The following GPHN variants were observed in gnomAD, a reference collection of about 807,000 sequenced individuals.
The protein encoded by GPHN is gephyrin.
Under a neutral mutation model 95.5 loss-of-function variants are expected in GPHN, and 17 were observed. The ratio of observed to expected loss-of-function variants is 0.18; its 90% CI spans 0.12 to 0.27. The LOEUF (loss-of-function observed/expected upper bound fraction) is 0.27, where lower values mean the gene tolerates loss of function less well. GPHN is among the 10% of genes least tolerant of loss of function. The pLI is 1.00. For missense variants in GPHN, 660 were observed against 978.1 expected (o/e 0.67, Z 4.34); for synonymous variants, 320 against 322.5 (o/e 0.99, Z 0.08).
At chr14:67,528,199 A>G in the GPHN span, among the ~76,000 whole-genome samples, 16 of 152,172 alleles carry the variant, frequency 1.1e-4, no homozygotes, top group African/African-American at 3.6e-4. Flanking sequence ...ACCAGCATCT[A>G]CTGAGTACTT....
At chr14:66,810,688 T>G (rs1267464338) in intron 3 of GPHN, among the ~76,000 whole-genome samples, 3 of 152,134 alleles carry the variant, frequency 2.0e-5, no homozygotes, top group African/African-American at 4.8e-5. Context: ...TTTATAATCT[T>G]TGTGTGTGTG....
intron 9 of GPHN, chr14:66,985,775 T>C: frequency 8.1e-7 from 1 of 1,227,524 alleles, no homozygotes; most frequent in Non-Finnish European, 1.2e-6. Flanking sequence ...CAAGATTTCG[T>C]CTATAGCCTA....
chr14:66,519,699 T>C (rs1594798979), intron 1 of GPHN, among the ~76,000 whole-genome samples: 1 of 152,164 alleles, frequency 6.6e-6, no homozygotes, highest in Admixed American at 6.5e-5. Context: ...CATAGTATTT[T>C]GCACTTTCTT....
At chr14:67,495,779 C>T in the GPHN span, among the ~76,000 whole-genome samples, 1 of 151,998 alleles carries the variant, frequency 6.6e-6, no homozygotes, top group Non-Finnish European at 1.5e-5. Flanking sequence ...CCACCATGCC[C>T]AGCCAGCCTT....
the GPHN span, among the ~76,000 whole-genome samples, chr14:67,339,295 C>G: frequency 3.3e-5 from 5 of 152,216 alleles, no homozygotes; most frequent in African/African-American, 1.2e-4. Flanking sequence ...CCGAGCCCAG[C>G]CTAGAAGCCT....
intron 12 of GPHN, among the ~76,000 whole-genome samples, chr14:67,089,808 A>G (rs999002771): frequency 4.6e-5 from 7 of 152,160 alleles, no homozygotes; most frequent in Admixed American, 6.5e-5. Flanking sequence ...GTTGCCTGAG[A>G]TTGCATAAAG....
chr14:66,550,165 C>T (rs78248040), intron 1 of GPHN, among the ~76,000 whole-genome samples: 1 of 152,236 alleles, frequency 6.6e-6, no homozygotes, highest in African/African-American at 2.4e-5. Flanking sequence ...ATAGTAATTC[C>T]TTTGATGGAT....
chr14:67,705,960 T>C, the GPHN span: 10 of 152,334 alleles, frequency 6.6e-5, no homozygotes, highest in South Asian at 1.9e-3. Flanking sequence ...AGATATCAGG[T>C]GCAGTGGCAT....
the GPHN span, among the ~76,000 whole-genome samples, chr14:67,537,402 C>A: frequency 7.5e-6 from 1 of 133,094 alleles, no homozygotes; most frequent in Non-Finnish European, 1.6e-5. Context: ...TTAGGCTGGG[C>A]GCAGTGGCTC....
chr14:67,539,261 C>T, the GPHN span, among the ~76,000 whole-genome samples: 1 of 152,278 alleles, frequency 6.6e-6, no homozygotes, highest in African/African-American at 2.4e-5. Context: ...GATCTTAGCT[C>T]AGAGAAGGTC....
intron 4 of GPHN, among the ~76,000 whole-genome samples, chr14:66,872,353 A>G (rs764657527): frequency 6.6e-6 from 1 of 152,064 alleles, no homozygotes; most frequent in South Asian, 2.1e-4. Flanking sequence ...TTATTTTTGT[A>G]TTGCTTCCAA....
chr14:66,832,733 A>T (rs968385011), intron 4 of GPHN, among the ~76,000 whole-genome samples: 3 of 152,200 alleles, frequency 2.0e-5, no homozygotes, highest in African/African-American at 7.2e-5. Flanking sequence ...CTCCTAAAAT[A>T]GTCATATGAC....
chr14:67,304,391 A>G, the GPHN span, among the ~76,000 whole-genome samples: 1 of 152,322 alleles, frequency 6.6e-6, no homozygotes, highest in East Asian at 1.9e-4. Flanking sequence ...AGTAGTAACA[A>G]CCCAAATGTC....
At chr14:66,619,640 A>G (rs2063202888) in intron 1 of GPHN, among the ~76,000 whole-genome samples, 1 of 152,132 alleles carries the variant, frequency 6.6e-6, no homozygotes, top group South Asian at 2.1e-4. Flanking sequence ...GCTTGTAAAT[A>G]TTTACACACA....
intron 5 of GPHN, among the ~76,000 whole-genome samples, chr14:66,897,120 G>A (rs1435195767): frequency 2.6e-5 from 4 of 152,130 alleles, no homozygotes; most frequent in African/African-American, 9.7e-5. Context: ...GAGAAGTCCT[G>A]TGTACCCTTT....
the GPHN span, among the ~76,000 whole-genome samples, chr14:67,639,343 A>G: frequency 6.6e-6 from 1 of 152,170 alleles, no homozygotes; most frequent in Non-Finnish European, 1.5e-5. Flanking sequence ...TGGTCCTATG[A>G]GGATTGAATG....
intron 17 of GPHN, among the ~76,000 whole-genome samples, chr14:67,140,928 A>G (rs1055787739): frequency 6.6e-6 from 1 of 152,310 alleles, no homozygotes; most frequent in African/African-American, 2.4e-5. Flanking sequence ...ATTATTCAAA[A>G]TAATTCTGAG....
At chr14:66,890,915 A>G (rs981402388) in intron 5 of GPHN, among the ~76,000 whole-genome samples, 2 of 152,130 alleles carry the variant, frequency 1.3e-5, no homozygotes, top group Non-Finnish European at 2.9e-5. Context: ...AAACTAGGAA[A>G]AGAAGGAAAC....
intron 3 of GPHN, among the ~76,000 whole-genome samples, chr14:66,792,908 G>A (rs982233417): frequency 2.0e-5 from 3 of 152,260 alleles, no homozygotes; most frequent in Non-Finnish European, 4.4e-5. Flanking sequence ...TATGGGAAAC[G>A]AAGGGATGGG....
Sources: allele counts gnomAD v4.1 joint callset (sites outside exome capture counted in the v4.1 genomes callset), GRCh38; gene constraint gnomAD v4.1.1; transcripts MANE v1.5; gene names NCBI Gene and HGNC (gene_info 2026-07-23, HGNC 2026-07-21).